Variants in USP31 observed in about 807,000 individuals in gnomAD.
USP31 encodes the protein ubiquitin specific peptidase 31.
USP31 carries 44 observed loss-of-function variants against 119.4 expected under a neutral mutation model. The observed-to-expected ratio is 0.37, with a 90% CI of 0.29 to 0.47. The LOEUF is 0.47. Among genes scored for constraint, USP31 ranks in the 20% least tolerant of loss-of-function variants. USP31 has a pLI of 0.99. For missense variants in USP31, 1,643 were observed against 1,730.2 expected (o/e 0.95, Z 0.89); for synonymous variants, 749 against 705.6 (o/e 1.06, Z -0.97).
At chr16:23,111,321 A>C (rs1902308629) in intron 1 of USP31, among the ~76,000 whole-genome samples, 1 of 152,176 alleles carries the variant, frequency 6.6e-6, no homozygotes, top group African/African-American at 2.4e-5. Flanking sequence ...GGTAGAATCA[A>C]TAGGATTTGT....
intron 6 of USP31, among the ~76,000 whole-genome samples, chr16:23,097,635 T>C (rs1305111249): frequency 3.3e-5 from 5 of 152,218 alleles, no homozygotes; most frequent in African/African-American, 1.2e-4. Flanking sequence ...TATGATCAAG[T>C]TGGCTTCATC....
In USP31 at chr16:23,069,065, A is replaced by G. The variant is rs1596679450; in HGVS notation, c.3040T>C (p.Ser1014Pro). 1 of 1,612,534 alleles carries G rather than the reference A, an allele frequency of 6.2e-7. No homozygotes were observed. The highest frequency in any genetic ancestry group is 8.5e-7 in the Non-Finnish European group (1 of 1,179,990). ...KEVKAPSHPGSLAKKPESTTK... is the reference protein window; with the variant it reads ...KEVKAPSHPGPLAKKPESTTK... ...GTGCTCTCTGGTTTCTTTGCGAGTG[A>G]GCCTGGGTGGCTGGGGGCTTTCACC... Residue 1014 changes from serine (S) to proline (P), a missense_variant, in exon 16 of 16, where the codon TCA becomes CCA. By Grantham distance (74) the Ser-to-Pro change is moderately conservative. Around this residue, in one of 5 missense-constraint regions of USP31, gnomAD observed 699 missense variants for 650.9 expected, o/e 1.07. Transcript: ENST00000219689.
chr16:23,108,073 C>G lies in USP31; in HGVS notation c.744G>C (p.Val248=). The change falls in exon 2 of 16, where the codon GTG becomes GTC. Residue 248 remains valine (V), a synonymous_variant. Coordinates refer to ENST00000219689, the MANE Select transcript of USP31 (RefSeq NM_020718.4). ...TCAGAGGAGGCTGGCCACTCTGCTT[C>G]ACTGAATGGTTGAGGTCTTCATGAA... ...DRVHEDLNHS[V]KQSGQPPLKP... 1 of 1,613,926 alleles carries G rather than the reference C, an allele frequency of 6.2e-7. No homozygotes were observed.
Position 23,066,343 on chromosome 16 carries a change from C to T in USP31, c.*1703G>A, listed in dbSNP as rs943993102. 2.0e-5 allele frequency: 3 copies of T among 152,364 alleles called. No individual in the cohort carries two copies. Among genetic ancestry groups the T allele is most frequent in the Admixed American group, 6.6e-5 (1 of 15,258 alleles). 9.4% of individuals were successfully genotyped at this position (152,364 alleles called of 1,614,324 possible). On this transcript the variant is annotated 3_prime_UTR_variant, in exon 16 of 16. Transcript: ENST00000219689. The stretch of plus-strand genomic sequence containing the variant: ...CAGACTTGCAAGTTACCGGCTAATG[C>T]GCAAATTAGCAGCAAAATAAAGTTA...
intron 2 of USP31, among the ~76,000 whole-genome samples, chr16:23,107,428 A>C (rs1326943728): frequency 1.3e-5 from 2 of 152,214 alleles, no homozygotes; most frequent in Non-Finnish European, 2.9e-5. Context: ...GAATCAGAAT[A>C]ATTTAAAACT....
intron 13 of USP31, among the ~76,000 whole-genome samples, chr16:23,076,883 C>A (rs891377965): frequency 4.6e-5 from 7 of 152,182 alleles, no homozygotes; most frequent in Non-Finnish European, 7.3e-5. Context: ...CCTCCACATC[C>A]CTTTCCATTC....
intron 1 of USP31, among the ~76,000 whole-genome samples, chr16:23,133,721 G>C (rs909183783): frequency 1.3e-5 from 2 of 152,140 alleles, no homozygotes; most frequent in Non-Finnish European, 2.9e-5. Flanking sequence ...ATCAGTGACA[G>C]GCAGGCATTC....
chr16:23,128,096 G>A (rs183532073), intron 1 of USP31, among the ~76,000 whole-genome samples: 10 of 152,262 alleles, frequency 6.6e-5, no homozygotes, highest in African/African-American at 2.2e-4. Context: ...ATAAAACCCC[G>A]AAGCCCTGTA....
rs1900756135 is a variant in USP31 at position 23,080,187 on chromosome 16, A to C, written c.1951-16T>G. ...TGTCTCCTTCCTGTTGCAAGAAGAA[A>C]AACAAGTTCTGGTGATATTTTAATG... is the stretch of plus-strand genomic sequence containing the variant. On this transcript the variant is annotated splice_polypyrimidine_tract_variant and intron_variant, in intron 12 of 15. Transcript: ENST00000219689. The C allele has an allele frequency of 6.5e-7, 1 of 1,527,666 alleles. No homozygotes were observed. Among genetic ancestry groups the C allele is most frequent in the Non-Finnish European group, 8.8e-7 (1 of 1,140,744 alleles). The allele number at this position is 1,527,666 out of a possible 1,614,324, so 94.6% of individuals were successfully genotyped here. A position where few individuals can be genotyped will look rare whatever the true frequency, so the allele number is the denominator to read the frequency against.
intron 13 of USP31, chr16:23,079,732 T>C (rs1415490806): frequency 4.2e-6 from 2 of 481,100 alleles, no homozygotes; most frequent in African/African-American, 2.0e-5. Flanking sequence ...CCCCAATCAG[T>C]CAGCTACCTA....
rs1900437447 is a variant in USP31 at position 23,073,706 on chromosome 16, C to T, written c.2335+16G>A. 4.4e-6 allele frequency: 7 copies of T among 1,608,400 alleles called. No individual in the cohort carries two copies. Among genetic ancestry groups the T allele is most frequent in the Non-Finnish European group, 5.9e-6 (7 of 1,176,706 alleles). On this transcript the variant is annotated intron_variant, in intron 14 of 15. Transcript: ENST00000219689. ...TGCTCTGGAAAAAACTGCCCAAGAA[C>T]AAGAGTGGACCTCACCTGCCACCGA...
intron 5 of USP31, among the ~76,000 whole-genome samples, chr16:23,103,392 A>T (rs900033283): frequency 2.6e-5 from 4 of 152,234 alleles, no homozygotes; most frequent in Non-Finnish European, 5.9e-5. Context: ...AAAAGAATAA[A>T]CTATATATAT....
At chr16:23,102,145 T>C (rs1343588101) in intron 6 of USP31, among the ~76,000 whole-genome samples, 174 bp downstream of exon 6, 1 of 152,094 alleles carries the variant, frequency 6.6e-6, no homozygotes, top group African/African-American at 2.4e-5. Context: ...GCTGCCTTCT[T>C]CTAGGAAAAT....
chr16:23,062,637 C>A lies in USP31; in HGVS notation c.*5409G>T, dbSNP rs1342340551. The A allele has an allele frequency of 6.6e-6, 1 of 152,408 alleles. No homozygotes were observed. Among genetic ancestry groups the A allele is most frequent in the Non-Finnish European group, 1.5e-5 (1 of 68,030 alleles). The allele number at this position is 152,408 out of a possible 1,614,324, so 9.4% of individuals were successfully genotyped here. On this transcript the variant is annotated 3_prime_UTR_variant, in exon 16 of 16. Coordinates refer to ENST00000219689, the MANE Select transcript of USP31 (RefSeq NM_020718.4). Reference sequence around the variant, plus strand: ...TCTAGCTCAGAGTGACTTCCCTATTCCCCCACGGGCCTGGGGAAAAGGTTC... The same window carrying A: ...TCTAGCTCAGAGTGACTTCCCTATTACCCCACGGGCCTGGGGAAAAGGTTC...
intron 2 of USP31, 139 bp downstream of exon 2, chr16:23,107,907 T>G (rs1237975141): frequency 2.9e-6 from 3 of 1,050,746 alleles, no homozygotes; most frequent in Admixed American, 3.2e-5. Flanking sequence ...TGAAATGTCC[T>G]TTAAGTAGCC....
intron 6 of USP31, among the ~76,000 whole-genome samples, chr16:23,095,534 G>T (rs1374508852): frequency 4.6e-5 from 7 of 152,098 alleles, no homozygotes; most frequent in African/African-American, 7.2e-5. Context: ...ACAACCCCAA[G>T]ACACATAATT....
At chr16:23,127,872 G>C (rs13337684) in intron 1 of USP31, among the ~76,000 whole-genome samples, 449 of 152,150 alleles carry the variant, frequency 3.0e-3, no homozygotes, top group African/African-American at 0.01. Context: ...GTACCATACG[G>C]TCCTAGTAGA....
At chr16:23,101,277 G>A (rs1901843595) in intron 6 of USP31, among the ~76,000 whole-genome samples, 1 of 152,168 alleles carries the variant, frequency 6.6e-6, no homozygotes, top group South Asian at 2.1e-4. Flanking sequence ...TTTTGAAGGA[G>A]AAGTTATCAA....
intron 1 of USP31, among the ~76,000 whole-genome samples, chr16:23,126,880 C>T (rs1902876564): frequency 1.3e-5 from 2 of 149,830 alleles, no homozygotes; most frequent in African/African-American, 2.5e-5. Context: ...CATGAATACA[C>T]ACCCATATAT....
Sources: gnomAD v4.1 joint callset for allele counts (sites outside exome capture counted in the v4.1 genomes callset) on GRCh38, gnomAD v4.1.1 for gene constraint, gnomAD v4.1.1 regional missense constraint, MANE v1.5 for transcripts, NCBI Gene and HGNC (gene_info 2026-07-23, HGNC 2026-07-21) for gene names.